Variants in UTP25 observed in about 807,000 individuals in gnomAD.
UTP25 encodes the protein UTP25 small subunit processome component.
UTP25 carries 50 observed loss-of-function variants against 78.9 expected under a neutral mutation model. That is an observed-to-expected ratio of 0.63 (90% CI 0.50 to 0.80). The LOEUF (loss-of-function observed/expected upper bound fraction) is 0.80, where lower values mean the gene tolerates loss of function less well. UTP25 is among the 30% of genes least tolerant of loss of function. UTP25 has a pLI of 0.00. For missense variants in UTP25, 846 were observed against 911.3 expected, an observed-to-expected ratio of 0.93 and a Z score of 0.92; for synonymous variants, 329 against 336.5, an observed-to-expected ratio of 0.98 and a Z score of 0.24.
chr1:209,843,709 C>CAGGTTTCA lies in UTP25; in HGVS notation c.2027+16_2027+23dup, dbSNP rs766342360. 1.2e-6 allele frequency: 2 copies of CAGGTTTCA among 1,609,764 alleles called. No homozygotes were observed. The highest frequency in any genetic ancestry group is 1.7e-6 in the Non-Finnish European group (2 of 1,177,166). ...ATTTCTACAAAAGGTAAAGTGGTGC[C>CAGGTTTCA]AGGTTTCAAGCCTCCTCTCTGAAGG... On this transcript the variant is annotated intron_variant, in intron 11 of 11. Transcript: ENST00000491415.
intron 5 of UTP25, 132 bp from the exon 6 acceptor site, chr1:209,836,659 TGGTAACTACC>T (rs2078134746): frequency 2.3e-6 from 2 of 858,164 alleles, no homozygotes; most frequent in Non-Finnish European, 1.8e-6. Flanking sequence ...ATGAGTATCA[TGGTAACTACC>T]TTGCAGGGCT....
intron 11 of UTP25, among the ~76,000 whole-genome samples, chr1:209,848,723 T>A (rs558489928): frequency 3.3e-5 from 5 of 152,338 alleles, no homozygotes; most frequent in African/African-American, 1.2e-4. Context: ...CAAAGCTCCA[T>A]AGACTGAATT....
chr1:209,827,980 C>G lies in UTP25; in HGVS notation c.-84C>G. ...TGCTTTCGCCGTAAAGCGCAGTCAG[C>G]GAGCCCACGTGCTTGTGTTGACTGG... is the stretch of plus-strand genomic sequence containing the variant. On this transcript the variant is annotated 5_prime_UTR_variant, in exon 1 of 12. Transcript: ENST00000491415. 1.9e-6 allele frequency: 2 copies of G among 1,054,154 alleles called. No homozygotes were observed. The highest frequency in any genetic ancestry group is 1.3e-5 in the South Asian group (1 of 79,896). The allele number at this position is 1,054,154 out of a possible 1,614,324, so 65.3% of individuals were successfully genotyped here.
rs2078248410 is a variant in UTP25, at chr1:209,852,677, TG to T, written c.*1231del. The T allele has an allele frequency of 6.6e-6, 1 of 152,214 alleles. No individual in the cohort carries two copies. The highest frequency in any genetic ancestry group is 1.5e-5 in the Non-Finnish European group (1 of 68,040). 9.4% of individuals were successfully genotyped at this position (152,214 alleles called of 1,614,324 possible). On this transcript the variant is annotated 3_prime_UTR_variant, in exon 12 of 12. Coordinates refer to ENST00000491415, the MANE Select transcript of UTP25 (RefSeq NM_014388.7). ...ATTCCAGGTTTCTCTACTCCAGCCC[TG>T]CTTGCTTTTAGTAGGAAATTATTAT...
At chr1:209,845,130 T>C (rs1419398205) in intron 11 of UTP25, among the ~76,000 whole-genome samples, 2 of 152,200 alleles carry the variant, frequency 1.3e-5, no homozygotes, top group Non-Finnish European at 2.9e-5. Flanking sequence ...GAGGGAGGCG[T>C]CCCAGCAGCT....
At position 209,828,090 on chromosome 1, in the gene UTP25, G is replaced by C. The variant is rs1253666628; in HGVS notation, c.27G>C (p.Gln9His). Residue 9 changes from glutamine to histidine, a missense_variant, in exon 1 of 12, where the codon CAG (glutamine) becomes CAC (histidine). Transcript: ENST00000491415. MGKRGSRS[Q>H]SQLLNTLTKK... ...TGGGCAAACGCGGGAGCCGGAGCCA[G>C]AGCCAGCTACTCAACACCCTAACTA... The C allele has an allele frequency of 1.2e-6, 2 of 1,614,068 alleles. No homozygotes were observed. Among genetic ancestry groups the C allele is most frequent in the Non-Finnish European group, 1.7e-6 (2 of 1,180,034 alleles).
Position 209,856,942 on chromosome 1 carries a change from G to A in UTP25, c.*5495G>A, listed in dbSNP as rs1237767969. 3 of 152,260 alleles carry A rather than the reference G, an allele frequency of 2.0e-5. No homozygotes were observed. Among genetic ancestry groups the A allele is most frequent in the South Asian group, 2.1e-4 (1 of 4,838 alleles). 9.4% of individuals were successfully genotyped at this position (152,260 alleles called of 1,614,324 possible). ...GCAAGAGAACAGACTTCAGCTCTCT[G>A]AAGGCTGATGACCACCTGTTTCTCA... is the stretch of plus-strand genomic sequence containing the variant. On this transcript the variant is annotated 3_prime_UTR_variant, in exon 12 of 12. Transcript: ENST00000491415.
In UTP25 at chr1:209,854,097, C is replaced by G. The variant is rs894377609; in HGVS notation, c.*2650C>G. 1 of 152,150 alleles carries G rather than the reference C, an allele frequency of 6.6e-6. No homozygotes were observed. Among genetic ancestry groups the G allele is most frequent in the African/African-American group, 2.4e-5 (1 of 41,416 alleles). 9.4% of individuals were successfully genotyped at this position (152,150 alleles called of 1,614,324 possible). A position where few individuals can be genotyped will look rare whatever the true frequency, so the allele number is the denominator to read the frequency against. ...ACACAATAAGCGAGAAGAGAGGCTA[C>G]TGAAATACGGATGCGTGAGCTGGAA... is the stretch of plus-strand genomic sequence containing the variant. On this transcript the variant is annotated 3_prime_UTR_variant, in exon 12 of 12. Transcript: ENST00000491415.
In UTP25 at chr1:209,856,896, A is replaced by T. The variant is rs2078280779; in HGVS notation, c.*5449A>T. Reference sequence around the variant, plus strand: ...TCTCATAAGATTTATAGAAACAGTGATCGTTGCAGAAAAATAATTAGCAAG... The same window carrying T: ...TCTCATAAGATTTATAGAAACAGTGTTCGTTGCAGAAAAATAATTAGCAAG... On this transcript the variant is annotated 3_prime_UTR_variant, in exon 12 of 12. Transcript: ENST00000491415. The T allele has an allele frequency of 1.3e-5, 2 of 152,236 alleles. No individual in the cohort carries two copies. Among genetic ancestry groups the T allele is most frequent in the Non-Finnish European group, 1.5e-5 (1 of 68,050 alleles). The allele number at this position is 152,236 out of a possible 1,614,324, so 9.4% of individuals were successfully genotyped here. A position where few individuals can be genotyped will look rare whatever the true frequency, so the allele number is the denominator to read the frequency against.
In UTP25 at chr1:209,836,215, A is replaced by G. The variant is rs935228311; in HGVS notation, c.652-586A>G. On this transcript the variant is annotated intron_variant, in intron 5 of 11. Transcript: ENST00000491415. ...CATCCAAGTTATTTCAGCTATCAGT[A>G]ATTTATTTCTTTTTATTGCTGAGGT... Among the ~76,000 whole-genome samples the G allele has an allele frequency of 4.6e-5, 7 of 152,194 alleles. No individual in the cohort carries two copies. In the Middle Eastern group the frequency reaches 0.01, roughly 222 times the overall value.
chr1:209,831,159 G>C, intron 3 of UTP25, 116 bp downstream of exon 3: 1 of 1,068,644 alleles, frequency 9.4e-7, no homozygotes, highest in Non-Finnish European at 1.4e-6. Flanking sequence ...ATCCAAAATA[G>C]GGATTTACCC....
chr1:209,838,947 G>A lies in UTP25; in HGVS notation c.1101G>A (p.Arg367=). ...TGCCATTCCGGGAAGCTGCTTTGCG[G>A]GTGGTGCAGCTCTTCATCAGCCTCC... The part of the protein sequence containing the change: ...IVVPFREAAL[R]VVQLFISLLE... Residue 367 remains arginine, a synonymous_variant, in exon 7 of 12, where the codon CGG becomes CGA. Coordinates refer to ENST00000491415, the MANE Select transcript of UTP25 (RefSeq NM_014388.7). 1 of 1,614,094 alleles carries A rather than the reference G, an allele frequency of 6.2e-7. No homozygotes were observed. The highest frequency in any genetic ancestry group is 8.5e-7 in the Non-Finnish European group (1 of 1,179,988).
At chr1:209,834,224 A>G (rs1337401771) in intron 4 of UTP25, among the ~76,000 whole-genome samples, 4 of 152,234 alleles carry the variant, frequency 2.6e-5, no homozygotes, top group Non-Finnish European at 4.4e-5. Context: ...ATATATTAGC[A>G]TCTAGAATTC....
chr1:209,843,334 G>C, intron 10 of UTP25, 117 bp from the exon 11 acceptor site: 1 of 1,226,466 alleles, frequency 8.2e-7, no homozygotes, highest in East Asian at 2.5e-5. Flanking sequence ...AATCATATTG[G>C]CCTCTGGGGA....
intron 1 of UTP25, among the ~76,000 whole-genome samples, chr1:209,829,246 T>A (rs949298234): frequency 6.6e-6 from 1 of 152,204 alleles, no homozygotes; most frequent in Non-Finnish European, 1.5e-5. Flanking sequence ...GAAAATCCGC[T>A]CTTCTAGCCA....
Position 209,830,119 on chromosome 1 carries a change from A to C in UTP25, c.119A>C (p.Lys40Thr). The C allele has an allele frequency of 6.2e-7, 1 of 1,612,252 alleles. No homozygotes were observed. Among genetic ancestry groups the C allele is most frequent in the Non-Finnish European group, 8.5e-7 (1 of 1,178,862 alleles). ...CTGTTTCTTTTTAGGGTTTCCAGAA[A>C]GGAAGCAAAGCCACAGATTTGTCAA... is the stretch of plus-strand genomic sequence containing the variant. ...EHPFYDRVSRKEAKPQICQLS... is the reference protein window; with the variant it reads ...EHPFYDRVSRTEAKPQICQLS... Residue 40 changes from lysine to threonine, a missense_variant, in exon 2 of 12, where the codon AAG (lysine) becomes ACG (threonine). Physicochemically the swap from Lys to Thr is moderately conservative, Grantham distance 78. Coordinates refer to ENST00000491415, the MANE Select transcript of UTP25 (RefSeq NM_014388.7).
rs1348800766 is a variant in UTP25 at position 209,836,981 on chromosome 1, C to G, written c.832C>G (p.Leu278Val). 10 of 1,614,046 alleles carry G rather than the reference C, an allele frequency of 6.2e-6. No homozygotes were observed. The East Asian group carries it at 6.7e-5, about 11-fold the overall frequency. The change falls in exon 6 of 12, where the codon CTC (leucine) becomes GTC (valine). Residue 278 changes from leucine (L) to valine (V), a missense_variant. Coordinates refer to ENST00000491415, the MANE Select transcript of UTP25 (RefSeq NM_014388.7). ...PQKSSSPFTPLQKELFLIMNS... is the reference protein window; with the variant it reads ...PQKSSSPFTPVQKELFLIMNS... ...AAAATCAAGCAGCCCATTCACCCCC[C>G]TCCAGAAAGAACTCTTCTTAATTAT...
intron 1 of UTP25, 39 bp from the exon 2 acceptor site, chr1:209,830,069 A>T (rs372765688): frequency 6.4e-7 from 1 of 1,571,016 alleles, no homozygotes; most frequent in South Asian, 1.1e-5. Context: ...ATTTCTACAT[A>T]CTAGTAGTTA....
chr1:209,838,820 G>C (rs774310894), intron 6 of UTP25, 89 bp from the exon 7 acceptor site: 92 of 1,428,812 alleles, frequency 6.4e-5, no homozygotes, highest in Non-Finnish European at 8.3e-5. Flanking sequence ...TCTACATGGA[G>C]CTTTTTAGCT....
Sources: allele counts gnomAD v4.1 joint callset (sites outside exome capture counted in the v4.1 genomes callset), GRCh38; gene constraint gnomAD v4.1.1; transcripts MANE v1.5; gene names NCBI Gene and HGNC (gene_info 2026-07-23, HGNC 2026-07-21).